Variants in CTNNA3 observed in about 807,000 individuals in gnomAD.
CTNNA3 encodes catenin alpha 3.
In CTNNA3, 76 loss-of-function variants were observed where a neutral mutation model predicts 95.7. That is an observed-to-expected ratio of 0.79 (90% CI 0.66 to 0.96). The LOEUF is 0.96. Ranked by LOEUF, CTNNA3 falls within the 40% of genes least tolerant of loss-of-function variation. The probability of loss-of-function intolerance (pLI) is 0.00; values close to 1 mark genes in which losing one functional copy is unlikely to be tolerated. For synonymous variants in CTNNA3, 431 were observed against 374.4 expected (o/e 1.15, Z -1.74); for missense variants, 1,191 against 1,089.8 (o/e 1.09, Z -1.31).
At chr10:66,140,826 T>C (rs2083575189) in intron 13 of CTNNA3, among the ~76,000 whole-genome samples, 1 of 152,202 alleles carries the variant, frequency 6.6e-6, no homozygotes, top group Non-Finnish European at 1.5e-5. Context: ...TCATGGAGAG[T>C]ATCTTCTCTC....
chr10:65,963,798 C>T (rs2077903344), intron 17 of CTNNA3, among the ~76,000 whole-genome samples: 1 of 152,064 alleles, frequency 6.6e-6, no homozygotes, highest in Non-Finnish European at 1.5e-5. Flanking sequence ...TGAGTGCTTG[C>T]AATATAGATG....
chr10:66,323,810 G>A (rs1316628092), intron 12 of CTNNA3, among the ~76,000 whole-genome samples: 2 of 151,864 alleles, frequency 1.3e-5, no homozygotes, highest in African/African-American at 4.8e-5. Flanking sequence ...TGTATCCCAG[G>A]CTCCAGAAAA....
chr10:66,030,233 A>G (rs2079423851), intron 15 of CTNNA3, among the ~76,000 whole-genome samples: 2 of 152,162 alleles, frequency 1.3e-5, no homozygotes, highest in African/African-American at 4.8e-5. Flanking sequence ...TAAAATTTGT[A>G]TGGAATCAAA....
intron 5 of CTNNA3, among the ~76,000 whole-genome samples, chr10:67,408,689 G>A (rs2132830197): frequency 6.6e-6 from 1 of 152,200 alleles, no homozygotes; most frequent in South Asian, 2.1e-4. Flanking sequence ...AAGATTTCAT[G>A]ATGAAGATGC....
intron 7 of CTNNA3, among the ~76,000 whole-genome samples, chr10:67,101,255 G>A (rs1255177798): frequency 2.0e-5 from 3 of 151,664 alleles, no homozygotes; most frequent in Non-Finnish European, 4.4e-5. Context: ...CTTCTAAATT[G>A]AGACTGCATA....
At chr10:67,305,392 AGAG>A (rs1455616523) in intron 5 of CTNNA3, among the ~76,000 whole-genome samples, 29 of 151,010 alleles carry the variant, frequency 1.9e-4, no homozygotes, top group Non-Finnish European at 3.7e-4. Context: ...AAAAAAAAAA[AGAG>A]AGAGAGACAA....
chr10:67,580,262 C>A (rs1013525445), intron 3 of CTNNA3, among the ~76,000 whole-genome samples: 6 of 152,184 alleles, frequency 3.9e-5, no homozygotes, highest in African/African-American at 1.4e-4. Flanking sequence ...TCAGTTTTAA[C>A]TTTCTACATA....
intron 3 of CTNNA3, among the ~76,000 whole-genome samples, chr10:67,576,638 T>G (rs1842158585): frequency 6.8e-6 from 1 of 147,002 alleles, no homozygotes; most frequent in African/African-American, 2.6e-5. Flanking sequence ...TGTGCCATGC[T>G]GGTGTGCTGC....
At chr10:67,176,935 A>G in intron 7 of CTNNA3, 2 of 507,844 alleles carry the variant, frequency 3.9e-6, no homozygotes, top group Non-Finnish European at 7.9e-6. Flanking sequence ...TTCCTCCAAC[A>G]ATTTGATTTT....
At chr10:65,989,192 G>A (rs1304548166) in intron 15 of CTNNA3, among the ~76,000 whole-genome samples, 1 of 152,164 alleles carries the variant, frequency 6.6e-6, no homozygotes, top group East Asian at 1.9e-4. Context: ...ACCCGCCTCG[G>A]CCTCCCAAAG....
At chr10:66,656,771 A>G (rs1846086919) in intron 9 of CTNNA3, among the ~76,000 whole-genome samples, 1 of 152,102 alleles carries the variant, frequency 6.6e-6, no homozygotes, top group South Asian at 2.1e-4. Context: ...TTCCAGGGCT[A>G]TAATAAATTC....
chr10:66,511,480 T>A (rs1009445718), intron 11 of CTNNA3, among the ~76,000 whole-genome samples: 6 of 151,710 alleles, frequency 4.0e-5, no homozygotes, highest in African/African-American at 1.4e-4. Context: ...ATCTTTTTTT[T>A]TTTATATAGG....
At chr10:67,343,477 GGTTAA>G (rs1217128689) in intron 5 of CTNNA3, among the ~76,000 whole-genome samples, 2 of 151,866 alleles carry the variant, frequency 1.3e-5, no homozygotes, top group South Asian at 2.1e-4. Context: ...TCACTTCTTT[GGTTAA>G]GTTAATTTCT....
intron 7 of CTNNA3, among the ~76,000 whole-genome samples, chr10:67,074,572 G>A (rs943458392): frequency 1.8e-4 from 27 of 151,734 alleles, no homozygotes; most frequent in East Asian, 5.9e-4. Flanking sequence ...GGATGGTCTC[G>A]ATCTCCTGAC....
At position 66,688,405 on chromosome 10, in the gene CTNNA3, G is replaced by A. The variant is rs114041577; in HGVS notation, c.1282-66621C>T. 5.3e-3 allele frequency among the ~76,000 whole-genome samples: 808 copies of A among 152,052 alleles called. 7 individuals are homozygous for A. The highest frequency in any genetic ancestry group is 0.018 in the African/African-American group (758 of 41,456). ...TCGCCATGCTTGTTTTCATCCCACC[G>A]GATTTTTGCATGGGTTGTTCCTCTT... On this transcript the variant is annotated intron_variant, in intron 9 of 17. Coordinates refer to ENST00000433211, the MANE Select transcript of CTNNA3 (RefSeq NM_013266.4).
At chr10:66,821,911 T>C (rs954265174) in intron 7 of CTNNA3, among the ~76,000 whole-genome samples, 5 of 152,156 alleles carry the variant, frequency 3.3e-5, no homozygotes, top group Admixed American at 2.0e-4. Context: ...CTAAACAAGT[T>C]GTGGCTGAAC....
intron 13 of CTNNA3, among the ~76,000 whole-genome samples, chr10:66,147,642 G>A (rs960769810): frequency 1.0e-4 from 13 of 129,492 alleles, no homozygotes; most frequent in Admixed American, 3.6e-4. Flanking sequence ...TCGTTGTTGC[G>A]CCAATGCTCT....
chr10:66,359,185 T>C (rs1290852132), intron 12 of CTNNA3, among the ~76,000 whole-genome samples: 1 of 152,190 alleles, frequency 6.6e-6, no homozygotes, highest in African/African-American at 2.4e-5. Flanking sequence ...CAGACACTTA[T>C]ATGATGAGAA....
chr10:67,380,187 A>AT (rs940169595), intron 5 of CTNNA3, among the ~76,000 whole-genome samples: 3 of 152,206 alleles, frequency 2.0e-5, no homozygotes, highest in Admixed American at 1.3e-4. Context: ...TTAGAAACTA[A>AT]TTTTTGAAAG....
Sources: gnomAD v4.1 joint callset for allele counts (sites outside exome capture counted in the v4.1 genomes callset) on GRCh38, gnomAD v4.1.1 for gene constraint, MANE v1.5 for transcripts, NCBI Gene and HGNC (gene_info 2026-07-23, HGNC 2026-07-21) for gene names.